Variants in DNAH11 observed in about 807,000 individuals in gnomAD.
DNAH11 encodes axonemal beta dynein heavy chain 11.
DNAH11 carries 442 observed loss-of-function variants against 526.0 expected under a neutral mutation model. The ratio of observed to expected loss-of-function variants is 0.84; its 90% CI spans 0.78 to 0.91. The LOEUF (loss-of-function observed/expected upper bound fraction) is 0.91. Among genes scored for constraint, DNAH11 ranks in the 40% least tolerant of loss-of-function variants. The pLI is 0.00. For synonymous variants in DNAH11, 2,461 were observed against 1,935.9 expected, an observed-to-expected ratio of 1.27 and a Z score of -7.12; for missense variants, 6,989 against 5,448.7, an observed-to-expected ratio of 1.28 and a Z score of -8.90.
intron 65 of DNAH11, among the ~76,000 whole-genome samples, chr7:21,828,581 C>G (rs896660115): frequency 1.1e-4 from 17 of 152,010 alleles, no homozygotes; most frequent in Non-Finnish European, 2.1e-4. Context: ...ATAAAGAATC[C>G]TCAGATTCTT....
chr7:21,861,745 A>G, intron 68 of DNAH11, 108 bp from the exon 69 acceptor site: 1 of 1,391,306 alleles, frequency 7.2e-7, no homozygotes, highest in South Asian at 1.4e-5. Flanking sequence ...ATTTTGCCTC[A>G]TTCTCACTCC....
At chr7:21,716,552 T>G (rs2128482547) in intron 42 of DNAH11, among the ~76,000 whole-genome samples, 1 of 152,334 alleles carries the variant, frequency 6.6e-6, no homozygotes, top group Non-Finnish European at 1.5e-5. Context: ...TAGACTTTCC[T>G]TTCCCTGAGC....
At chr7:21,650,096 T>TA (rs1240821285) in intron 28 of DNAH11, among the ~76,000 whole-genome samples, 2 of 151,966 alleles carry the variant, frequency 1.3e-5, no homozygotes, top group Non-Finnish European at 2.9e-5. Flanking sequence ...AAGTTTATTT[T>TA]AAAAAAAACC....
At chr7:21,871,658 T>C (rs950494220) in intron 73 of DNAH11, among the ~76,000 whole-genome samples, 4 of 152,216 alleles carry the variant, frequency 2.6e-5, no homozygotes, top group South Asian at 2.1e-4. Flanking sequence ...AGAAATACGC[T>C]TTCCTTATAA....
rs60703018 is a variant in DNAH11, at chr7:21,602,557, TTGTGTGTGTGTGTGTGTGTGTGTGTG to T, written c.3648+957_3648+982del. ...TATGCCAATATTGATATTTTATAGA[TTGTGTGTGTGTGTGTGTGTGTGTGTG>T]TGTGTGTGTGTGTGTGTACACACAT... On this transcript the variant is annotated intron_variant, in intron 18 of 81. Transcript: ENST00000409508. 4.7e-5 allele frequency among the ~76,000 whole-genome samples: 7 copies of T among 149,126 alleles called. No homozygotes were observed. The South Asian group carries it at 8.6e-4, about 18-fold the overall frequency.
chr7:21,885,232 A>T (rs1784086802), intron 76 of DNAH11, among the ~76,000 whole-genome samples: 1 of 149,340 alleles, frequency 6.7e-6, no homozygotes, highest in African/African-American at 2.4e-5. Flanking sequence ...TTAACATATC[A>T]TGGTAATATA....
intron 65 of DNAH11, among the ~76,000 whole-genome samples, chr7:21,835,516 A>G (rs1288315332): frequency 1.3e-5 from 2 of 152,194 alleles, no homozygotes; most frequent in Admixed American, 1.3e-4. Context: ...GAAAAAACAT[A>G]CAATTATTTC....
At chr7:21,854,677 G>A (rs1002680133) in intron 68 of DNAH11, among the ~76,000 whole-genome samples, 1 of 151,948 alleles carries the variant, frequency 6.6e-6, no homozygotes, top group African/African-American at 2.4e-5. Context: ...TGAGTAGCTG[G>A]GACTACAGGA....
intron 65 of DNAH11, among the ~76,000 whole-genome samples, chr7:21,819,798 C>G (rs1260807715): frequency 6.6e-6 from 1 of 152,162 alleles, no homozygotes; most frequent in East Asian, 1.9e-4. Context: ...ATTTTAGAAA[C>G]AGATTTTACA....
intron 68 of DNAH11, among the ~76,000 whole-genome samples, chr7:21,858,789 T>G (rs1782951114): frequency 6.6e-6 from 1 of 152,232 alleles, no homozygotes; most frequent in Admixed American, 6.5e-5. Context: ...GTTCTTTATC[T>G]TGATTGCTAC....
rs759771002 is a variant in DNAH11 at position 21,591,548 on chromosome 7, G to A, written c.2638G>A (p.Asp880Asn). ...AAAAAAATACAAGTTAATCCAAGGA[G>A]ATGGCTGCAAGATCCACAACTTGGT... ...FTKKYKLIQG[D>N]GCKIHNLVEE... Residue 880 changes from aspartate (D) to asparagine (N), a missense_variant, in exon 14 of 82, where the codon GAT becomes AAT. By Grantham distance (23) the Asp-to-Asn change is conservative. Coordinates refer to ENST00000409508, the MANE Select transcript of DNAH11 (RefSeq NM_001277115.2). 1.3e-6 allele frequency: 2 copies of A among 1,581,968 alleles called. No homozygotes were observed. Among genetic ancestry groups the A allele is most frequent in the South Asian group, 2.3e-5 (2 of 86,836 alleles).
At position 21,745,016 on chromosome 7, in the gene DNAH11, A is replaced by T; in HGVS notation, c.8463A>T (p.Leu2821=). The T allele has an allele frequency of 6.2e-7, 1 of 1,610,254 alleles. No individual in the cohort carries two copies. The highest frequency in any genetic ancestry group is 8.5e-7 in the Non-Finnish European group (1 of 1,178,200). Residue 2821 remains leucine, a synonymous_variant, in exon 51 of 82, where the codon CTA becomes CTT. Coordinates refer to ENST00000409508, the MANE Select transcript of DNAH11 (RefSeq NM_001277115.2). Reference sequence around the variant, plus strand: ...AAACGTTAGACAACTACAATGAACTAAATGCTGCCATGCACCTAGTTTTGT... The same window carrying T: ...AAACGTTAGACAACTACAATGAACTTAATGCTGCCATGCACCTAGTTTTGT... ...LTETLDNYNE[L]NAAMHLVLFE... is the part of the protein sequence containing the mutation.
At chr7:21,543,839 C>T (rs2128425020) in intron 1 of DNAH11, 1 of 553,766 alleles carries the variant, frequency 1.8e-6, no homozygotes, top group African/African-American at 1.9e-5. Flanking sequence ...CGCGTTGAGC[C>T]TGTTCGACCA....
At chr7:21,548,792 A>G (rs1408787131) in intron 2 of DNAH11, among the ~76,000 whole-genome samples, 5 of 152,172 alleles carry the variant, frequency 3.3e-5, no homozygotes, top group Non-Finnish European at 7.3e-5. Flanking sequence ...CCCTGCCTAG[A>G]GAGGCAAGAG....
At chr7:21,735,319 G>A (rs955715563) in intron 45 of DNAH11, among the ~76,000 whole-genome samples, 6 of 152,130 alleles carry the variant, frequency 3.9e-5, no homozygotes, top group African/African-American at 1.4e-4. Flanking sequence ...CCCAATGTTG[G>A]GCAGAGAGTA....
intron 44 of DNAH11, among the ~76,000 whole-genome samples, chr7:21,725,006 T>G (rs1167599800): frequency 6.6e-6 from 1 of 152,270 alleles, no homozygotes; most frequent in African/African-American, 2.4e-5. Context: ...CCTGTGGATA[T>G]AGAAGGGTTT....
intron 65 of DNAH11, among the ~76,000 whole-genome samples, chr7:21,830,050 T>A (rs1392970481): frequency 6.6e-6 from 1 of 152,228 alleles, no homozygotes; most frequent in Non-Finnish European, 1.5e-5. Context: ...GGGTTTTGAA[T>A]AAACATTGAA....
At chr7:21,803,496 T>A (rs1423150067) in intron 62 of DNAH11, among the ~76,000 whole-genome samples, 2 of 152,068 alleles carry the variant, frequency 1.3e-5, no homozygotes, top group African/African-American at 4.8e-5. Context: ...TCTCCTTTTA[T>A]GAGAAAAGCT....
At position 21,884,220 on chromosome 7, in the gene DNAH11, G is replaced by A. The variant is rs72658821; in HGVS notation, c.12388-71G>A. 13,794 of 1,429,602 alleles carry A rather than the reference G, an allele frequency of 9.6e-3. 92 individuals are homozygous for A. The highest frequency in any genetic ancestry group is 0.024 in the South Asian group (1,457 of 59,834). 88.6% of individuals were successfully genotyped at this position (1,429,602 alleles called of 1,614,324 possible). Reference sequence around the variant, plus strand: ...GGAGGGCATTGTGTTAGAGGGGCACGTGCTACTGGTTGGCTACTCTGAGGC... The same window carrying A: ...GGAGGGCATTGTGTTAGAGGGGCACATGCTACTGGTTGGCTACTCTGAGGC... On this transcript the variant is annotated intron_variant, in intron 75 of 81. Coordinates refer to ENST00000409508, the MANE Select transcript of DNAH11 (RefSeq NM_001277115.2).
Sources: allele counts gnomAD v4.1 joint callset (sites outside exome capture counted in the v4.1 genomes callset), GRCh38; gene constraint gnomAD v4.1.1; transcripts MANE v1.5; gene names NCBI Gene and HGNC (gene_info 2026-07-23, HGNC 2026-07-21).